CPSF4L: variants seen among roughly 807,000 people sequenced by gnomAD.
CPSF4L encodes putative cleavage and polyadenylation specificity factor subunit 4-like protein.
In CPSF4L, 18 loss-of-function variants were observed where a neutral mutation model predicts 24.0. The ratio of observed to expected loss-of-function variants is 0.75; its 90% CI spans 0.52 to 1.11. The LOEUF (loss-of-function observed/expected upper bound fraction) is 1.11. Ranked by LOEUF, CPSF4L falls within the 50% of genes least tolerant of loss-of-function variation. CPSF4L has a pLI of 0.00. For synonymous variants in CPSF4L, 72 were observed against 77.2 expected, an observed-to-expected ratio of 0.93 and a Z score of 0.35; for missense variants, 211 against 221.8, an observed-to-expected ratio of 0.95 and a Z score of 0.31.
the CPSF4L span, chr17:73,242,775 G>A: frequency 4.4e-6 from 3 of 682,090 alleles, no homozygotes. Context: ...TAAAATATGT[G>A]CGTGTAAATC....
intron 2 of CPSF4L, among the ~76,000 whole-genome samples, chr17:73,260,303 G>A (rs994681769): frequency 3.9e-5 from 6 of 152,058 alleles, no homozygotes; most frequent in African/African-American, 1.4e-4. Flanking sequence ...TCAGACACAC[G>A]CCCATCCCAG....
rs1352368333 is a variant in CPSF4L at position 73,258,598 on chromosome 17, G to A, written c.155-765C>T. ...ATTACAGGCTTGAGCCACCGTGACT[G>A]GCCAGGGCAAGCTCTTCTTAAAGCA... On this transcript the variant is annotated intron_variant, in intron 2 of 5. Transcript: ENST00000344935. 2.6e-5 allele frequency among the ~76,000 whole-genome samples: 4 copies of A among 152,096 alleles called. No individual in the cohort carries two copies. In the East Asian group the frequency reaches 5.8e-4, roughly 22 times the overall value.
chr17:73,251,186 C>A, intron 5 of CPSF4L: 2 of 1,377,180 alleles, frequency 1.5e-6, no homozygotes, highest in Non-Finnish European at 1.9e-6. Flanking sequence ...GGCCGGGACG[C>A]TGGCCATGCA....
intron 2 of CPSF4L, among the ~76,000 whole-genome samples, chr17:73,258,164 C>G (rs1410031512): frequency 6.6e-6 from 1 of 152,130 alleles, no homozygotes; most frequent in African/African-American, 2.4e-5. Context: ...CGCCAGCCAC[C>G]ACGCCCTGCT....
chr17:73,255,132 A>G (rs1003856772), intron 3 of CPSF4L, among the ~76,000 whole-genome samples: 1 of 151,878 alleles, frequency 6.6e-6, no homozygotes, highest in African/African-American at 2.4e-5. Context: ...CGTCTATTCC[A>G]CTGATTTTCA....
chr17:73,251,119 T>C, intron 5 of CPSF4L: 3 of 1,532,384 alleles, frequency 2.0e-6, no homozygotes, highest in Non-Finnish European at 1.8e-6. Context: ...TGAAGTGCAG[T>C]CGTGAGAAAA....
the CPSF4L span, chr17:73,242,388 G>T: frequency 7.3e-7 from 1 of 1,370,040 alleles, no homozygotes; most frequent in Non-Finnish European, 1.0e-6. Flanking sequence ...TCTGTTGCAG[G>T]TTCTGGGCAT....
intron 3 of CPSF4L, among the ~76,000 whole-genome samples, chr17:73,255,173 T>C (rs1375034296): frequency 2.6e-5 from 4 of 151,972 alleles, no homozygotes; most frequent in African/African-American, 4.8e-5. Flanking sequence ...TTTTATACAC[T>C]GGGCCTCTAC....
At chr17:73,251,162 C>A in intron 5 of CPSF4L, 2 of 1,436,934 alleles carry the variant, frequency 1.4e-6, no homozygotes, top group Non-Finnish European at 1.8e-6. Context: ...TGTGCAGACA[C>A]CAACTTCACA....
intron 5 of CPSF4L, chr17:73,250,360 G>C (rs1029199798): frequency 2.4e-5 from 37 of 1,546,978 alleles, no homozygotes; most frequent in South Asian, 6.0e-5. Flanking sequence ...TTCTAAAGAT[G>C]TCTAGGGAAC....
intron 2 of CPSF4L, among the ~76,000 whole-genome samples, chr17:73,258,154 C>T (rs888802316): frequency 4.6e-5 from 7 of 151,944 alleles, no homozygotes; most frequent in East Asian, 3.9e-4. Flanking sequence ...GGACTACAGG[C>T]GCCAGCCACC....
intron 2 of CPSF4L, among the ~76,000 whole-genome samples, chr17:73,258,488 G>A (rs2062032144): frequency 6.6e-6 from 1 of 151,720 alleles, no homozygotes; most frequent in Non-Finnish European, 1.5e-5. Context: ...TTTTAGTAGA[G>A]ACGGGGTTTC....
At chr17:73,245,574 GACT>G, downstream of CPSF4L, 1 of 985,338 alleles carries the variant, frequency 1.0e-6, no homozygotes, top group Non-Finnish European at 1.2e-6. Flanking sequence ...TGAGATACCA[GACT>G]ACTACCTATA....
At chr17:73,250,549 A>G (rs1166785571) in intron 5 of CPSF4L, among the ~76,000 whole-genome samples, 2 of 152,190 alleles carry the variant, frequency 1.3e-5, no homozygotes, top group Non-Finnish European at 2.9e-5. Flanking sequence ...CAATAAAACT[A>G]TTCTCTTGCA....
chr17:73,254,273 C>T (rs189559737), intron 3 of CPSF4L, among the ~76,000 whole-genome samples: 67 of 152,318 alleles, frequency 4.4e-4, no homozygotes, highest in Admixed American at 7.2e-4. Context: ...GAGTGAGGGA[C>T]CCCAGATGGA....
chr17:73,250,224 C>T, intron 5 of CPSF4L: 1 of 1,548,200 alleles, frequency 6.5e-7, no homozygotes, highest in South Asian at 1.2e-5. Context: ...AGCATCTTCT[C>T]CTGACCATAG....
the CPSF4L span, among the ~76,000 whole-genome samples, chr17:73,243,401 A>C: frequency 6.6e-6 from 1 of 151,860 alleles, no homozygotes; most frequent in African/African-American, 2.4e-5. Flanking sequence ...TGATCCGCCC[A>C]CCTCAGCCTC....
the CPSF4L span, chr17:73,242,206 C>A: frequency 3.7e-5 from 52 of 1,403,274 alleles, no homozygotes; most frequent in Non-Finnish European, 4.9e-5. Flanking sequence ...GGGTACGTTT[C>A]GGTAAACAAT....
At chr17:73,254,406 A>G (rs557264394) in intron 3 of CPSF4L, among the ~76,000 whole-genome samples, 3 of 152,296 alleles carry the variant, frequency 2.0e-5, no homozygotes, top group South Asian at 2.1e-4. Context: ...CTTCATCTCT[A>G]CTACAAAACC....
Sources: allele counts gnomAD v4.1 joint callset (sites outside exome capture counted in the v4.1 genomes callset), GRCh38; gene constraint gnomAD v4.1.1; transcripts MANE v1.5; gene names NCBI Gene and HGNC (gene_info 2026-07-23, HGNC 2026-07-21).